Variants in UBQLN1 observed in about 807,000 individuals in gnomAD.
The protein encoded by UBQLN1 is ubiquilin-1.
A neutral mutation model predicts 65.4 loss-of-function variants in UBQLN1; 13 were observed. The observed-to-expected ratio is 0.20, with a 90% CI of 0.13 to 0.32. The LOEUF is 0.32. Ranked by LOEUF, UBQLN1 falls within the 10% of genes least tolerant of loss-of-function variation. The pLI is 1.00. For missense variants in UBQLN1, 561 were observed against 724.0 expected (o/e 0.77, Z 2.58); for synonymous variants, 267 against 247.8 (o/e 1.08, Z -0.73).
At chr9:83,662,895 T>C (rs545482649) in intron 10 of UBQLN1, among the ~76,000 whole-genome samples, 2 of 151,998 alleles carry the variant, frequency 1.3e-5, no homozygotes, top group African/African-American at 4.8e-5. Flanking sequence ...GGCAACACGG[T>C]TGAAACCCCA....
chr9:83,705,553 T>C (rs1251190992), intron 1 of UBQLN1, among the ~76,000 whole-genome samples: 4 of 152,212 alleles, frequency 2.6e-5, no homozygotes, highest in Admixed American at 1.3e-4. Context: ...CAGAAGCATT[T>C]TTTAAAACAT....
chr9:83,672,829 C>G (rs1215180263), intron 6 of UBQLN1, among the ~76,000 whole-genome samples: 1 of 152,192 alleles, frequency 6.6e-6, no homozygotes, highest in Non-Finnish European at 1.5e-5. Flanking sequence ...CTGTGAAGCA[C>G]AACAAAATGA....
chr9:83,682,090 C>G (rs1056252988), intron 3 of UBQLN1, among the ~76,000 whole-genome samples: 4 of 152,088 alleles, frequency 2.6e-5, no homozygotes, highest in Non-Finnish European at 4.4e-5. Context: ...CTAGACCATC[C>G]TGGCTAATAT....
At chr9:83,697,047 A>G (rs1484336539) in intron 1 of UBQLN1, among the ~76,000 whole-genome samples, 2 of 152,046 alleles carry the variant, frequency 1.3e-5, no homozygotes. Context: ...ATTAGCTGGG[A>G]CTACAGGCTT....
At chr9:83,662,226 G>A (rs892003413) in intron 10 of UBQLN1, among the ~76,000 whole-genome samples, 4 of 149,250 alleles carry the variant, frequency 2.7e-5, no homozygotes, top group Admixed American at 1.3e-4. Flanking sequence ...AGAGGATCAC[G>A]TACATGCAGA....
intron 1 of UBQLN1, among the ~76,000 whole-genome samples, chr9:83,707,249 A>T (rs946947623): frequency 2.0e-5 from 3 of 152,112 alleles, no homozygotes; most frequent in Non-Finnish European, 4.4e-5. Flanking sequence ...GTCGGCGGAT[A>T]CCAGAGAAGG....
At chr9:83,680,755 G>A (rs1460981563) in intron 3 of UBQLN1, among the ~76,000 whole-genome samples, 3 of 152,126 alleles carry the variant, frequency 2.0e-5, no homozygotes, top group African/African-American at 7.2e-5. Flanking sequence ...TGAGTTCTAG[G>A]TGCCATTCTA....
intron 10 of UBQLN1, among the ~76,000 whole-genome samples, chr9:83,662,214 T>G (rs1831569749): frequency 6.6e-6 from 1 of 151,638 alleles, no homozygotes; most frequent in African/African-American, 2.4e-5. Context: ...AACCATTATT[T>G]TAGAGGATCA....
At position 83,676,658 on chromosome 9, in the gene UBQLN1, C is replaced by T. The variant is rs373550475; in HGVS notation, c.1105+1069G>A. On this transcript the variant is annotated intron_variant, in intron 6 of 10. Transcript: ENST00000376395. ...ATATATCAACTGTGATCATTAATTA[C>T]TCTTCTCATTCTGATTCTTCTTTCA... Among the ~76,000 whole-genome samples the T allele has an allele frequency of 6.6e-4, 101 of 152,262 alleles. 1 individual carries two copies. The highest frequency in any genetic ancestry group is 2.4e-3 in the African/African-American group (101 of 41,554).
intron 2 of UBQLN1, among the ~76,000 whole-genome samples, chr9:83,685,567 G>A (rs1054591944): frequency 6.6e-6 from 1 of 150,826 alleles, no homozygotes; most frequent in East Asian, 1.9e-4. Context: ...GCTGACATGG[G>A]AGCATCACTT....
At chr9:83,663,334 A>C (rs1831591823) in intron 10 of UBQLN1, among the ~76,000 whole-genome samples, 1 of 152,168 alleles carries the variant, frequency 6.6e-6, no homozygotes, top group Non-Finnish European at 1.5e-5. Flanking sequence ...AGTAAAACCA[A>C]TGTATGTTTG....
chr9:83,700,302 C>CT (rs1260578635), intron 1 of UBQLN1, among the ~76,000 whole-genome samples: 4 of 151,926 alleles, frequency 2.6e-5, no homozygotes, highest in African/African-American at 9.7e-5. Flanking sequence ...GGGGGAACAG[C>CT]TTAAGAGGAA....
At chr9:83,690,014 C>T (rs1832100318) in intron 1 of UBQLN1, among the ~76,000 whole-genome samples, 2 of 152,132 alleles carry the variant, frequency 1.3e-5, no homozygotes, top group South Asian at 2.1e-4. Context: ...AACTGGAAAC[C>T]ACACACACTG....
chr9:83,668,818 AT>A (rs1831684418), intron 7 of UBQLN1: 1 of 229,400 alleles, frequency 4.4e-6, no homozygotes. Flanking sequence ...AAATAAAAGT[AT>A]TTCAAATGTA....
At chr9:83,675,024 A>G (rs1030711006) in intron 6 of UBQLN1, among the ~76,000 whole-genome samples, 2 of 152,212 alleles carry the variant, frequency 1.3e-5, no homozygotes, top group African/African-American at 4.8e-5. Context: ...ATTCATCAGT[A>G]GGTACTCTGG....
At chr9:83,706,484 G>T (rs915895291) in intron 1 of UBQLN1, among the ~76,000 whole-genome samples, 1 of 152,098 alleles carries the variant, frequency 6.6e-6, no homozygotes, top group African/African-American at 2.4e-5. Flanking sequence ...TTTGGAACTC[G>T]TTAAACCAAT....
chr9:83,671,261 T>C (rs1362629840), intron 6 of UBQLN1, among the ~76,000 whole-genome samples: 1 of 152,244 alleles, frequency 6.6e-6, no homozygotes, highest in African/African-American at 2.4e-5. Context: ...CCTGTTCATG[T>C]TGATATTTTG....
chr9:83,689,301 T>A (rs1832089760), intron 1 of UBQLN1, among the ~76,000 whole-genome samples: 1 of 152,254 alleles, frequency 6.6e-6, no homozygotes, highest in African/African-American at 2.4e-5. Context: ...ACCACCTATT[T>A]TGCTTATCCA....
rs538596873 is a variant in UBQLN1 at position 83,666,575 on chromosome 9, G to A, written c.1249-142C>T. The A allele has an allele frequency of 4.4e-5, 31 of 705,596 alleles. No individual in the cohort carries two copies. In the East Asian group the frequency reaches 7.6e-4, roughly 17 times the overall value. 43.7% of individuals were successfully genotyped at this position (705,596 alleles called of 1,614,324 possible). On this transcript the variant is annotated intron_variant, in intron 7 of 10. Coordinates refer to ENST00000376395, the MANE Select transcript of UBQLN1 (RefSeq NM_013438.5). ...GAACATAAATAAAAAAAGGAAAAGG[G>A]AAGATACTGTCCACAAGAGGGATCT...
Sources: allele counts gnomAD v4.1 joint callset (sites outside exome capture counted in the v4.1 genomes callset), GRCh38; gene constraint gnomAD v4.1.1; transcripts MANE v1.5; gene names NCBI Gene and HGNC (gene_info 2026-07-23, HGNC 2026-07-21).